Variants in FBXL7 observed in about 807,000 individuals in gnomAD.
FBXL7 encodes the protein F-box/LRR-repeat protein 7.
A neutral mutation model predicts 38.3 loss-of-function variants in FBXL7; 12 were observed. The ratio of observed to expected loss-of-function variants is 0.31; its 90% CI spans 0.20 to 0.51. The LOEUF (loss-of-function observed/expected upper bound fraction) is 0.51, where lower values mean the gene tolerates loss of function less well. FBXL7 is among the 20% of genes least tolerant of loss of function. The pLI is 0.98. For synonymous variants in FBXL7, 297 were observed against 300.9 expected (o/e 0.99, Z 0.13); for missense variants, 567 against 676.4 (o/e 0.84, Z 1.79).
rs569859475 is a variant in FBXL7, at chr5:15,553,229, C to A, written c.37+52516C>A. On this transcript the variant is annotated intron_variant, in intron 1 of 3. Transcript: ENST00000504595. ...CGTGGTTTCCCTTCTCTCTGCAACACCCTGGCCCACTTGTCTTATTTACCA... is the reference window on the plus strand; with the variant it reads ...CGTGGTTTCCCTTCTCTCTGCAACAACCTGGCCCACTTGTCTTATTTACCA... 5.3e-5 allele frequency among the ~76,000 whole-genome samples: 8 copies of A among 152,310 alleles called. No homozygotes were observed. The East Asian group carries it at 1.2e-3, about 22-fold the overall frequency.
At chr5:15,869,750 T>C (rs1277300352) in intron 2 of FBXL7, among the ~76,000 whole-genome samples, 1 of 152,180 alleles carries the variant, frequency 6.6e-6, no homozygotes, top group Non-Finnish European at 1.5e-5. Context: ...AATTGGTGTT[T>C]TGGGAATACA....
chr5:15,746,114 C>T (rs1434995978), intron 2 of FBXL7, among the ~76,000 whole-genome samples: 1 of 152,068 alleles, frequency 6.6e-6, no homozygotes, highest in African/African-American at 2.4e-5. Context: ...TAGAATGATA[C>T]TAGTCAAGAG....
intron 2 of FBXL7, among the ~76,000 whole-genome samples, chr5:15,875,908 A>G (rs1167393146): frequency 6.6e-6 from 1 of 152,218 alleles, no homozygotes; most frequent in African/African-American, 2.4e-5. Context: ...CTGGGTATAT[A>G]CCCAAAGGAT....
Position 15,845,794 on chromosome 5 carries a change from A to AC in FBXL7, c.128-82092dup, listed in dbSNP as rs546203415. ...AGACCATCCTGGCTAACACGGTGAA[A>AC]CCCCGTCTCTAGTAAAAATACAAAA... On this transcript the variant is annotated intron_variant, in intron 2 of 3. Transcript: ENST00000504595. Among the ~76,000 whole-genome samples, 183 of 152,066 alleles carry AC rather than the reference A, an allele frequency of 1.2e-3. 1 individual carries two copies. Among genetic ancestry groups the AC allele is most frequent in the African/African-American group, 4.3e-3 (177 of 41,474 alleles).
intron 1 of FBXL7, among the ~76,000 whole-genome samples, chr5:15,549,602 T>C (rs976529972): frequency 1.3e-5 from 2 of 152,200 alleles, no homozygotes; most frequent in Non-Finnish European, 2.9e-5. Context: ...CATCTCTCAT[T>C]AGTCAACTTG....
intron 2 of FBXL7, among the ~76,000 whole-genome samples, chr5:15,810,940 G>T (rs745605342): frequency 6.6e-6 from 1 of 152,168 alleles, no homozygotes; most frequent in East Asian, 1.9e-4. Context: ...GAAACATATC[G>T]GCATTTTCAT....
intron 1 of FBXL7, among the ~76,000 whole-genome samples, chr5:15,526,244 A>G (rs955251878): frequency 6.6e-6 from 1 of 152,006 alleles, no homozygotes; most frequent in African/African-American, 2.4e-5. Flanking sequence ...GTAAGTTCCA[A>G]TTGTAGGGAA....
intron 2 of FBXL7, among the ~76,000 whole-genome samples, chr5:15,762,513 C>T (rs1343693363): frequency 6.6e-6 from 1 of 152,138 alleles, no homozygotes. Flanking sequence ...ATTTAAAGTT[C>T]TGTATTCATA....
intron 2 of FBXL7, among the ~76,000 whole-genome samples, chr5:15,626,277 C>T (rs1740814531): frequency 6.6e-6 from 1 of 152,266 alleles, no homozygotes; most frequent in Middle Eastern, 3.4e-3. Flanking sequence ...GCACCACTTA[C>T]ATCTGGTGAT....
At chr5:15,875,623 C>T (rs1440139272) in intron 2 of FBXL7, among the ~76,000 whole-genome samples, 1 of 152,138 alleles carries the variant, frequency 6.6e-6, no homozygotes, top group Non-Finnish European at 1.5e-5. Flanking sequence ...CAAAAGAAGA[C>T]ATTTATACGG....
intron 1 of FBXL7, among the ~76,000 whole-genome samples, chr5:15,563,191 T>C (rs1319817921): frequency 1.3e-5 from 2 of 152,148 alleles, no homozygotes; most frequent in African/African-American, 4.8e-5. Flanking sequence ...TGTTTTTCAG[T>C]GATAATGATT....
intron 2 of FBXL7, among the ~76,000 whole-genome samples, chr5:15,877,550 T>G (rs1044955824): frequency 4.4e-5 from 6 of 135,734 alleles, no homozygotes; most frequent in African/African-American, 1.6e-4. Context: ...TCTATGCACT[T>G]GGCAAGGTAA....
chr5:15,708,912 T>G, intron 2 of FBXL7, among the ~76,000 whole-genome samples: 1 of 152,150 alleles, frequency 6.6e-6, no homozygotes, highest in East Asian at 1.9e-4. Flanking sequence ...TGCTTTAGGG[T>G]TTTTGGCAAG....
chr5:15,844,236 C>A (rs1326008339), intron 2 of FBXL7, among the ~76,000 whole-genome samples: 1 of 152,148 alleles, frequency 6.6e-6, no homozygotes, highest in Non-Finnish European at 1.5e-5. Context: ...CAATCTTTTC[C>A]ATTCAAGTGC....
intron 2 of FBXL7, among the ~76,000 whole-genome samples, chr5:15,694,383 G>A (rs906285924): frequency 6.6e-6 from 1 of 152,136 alleles, no homozygotes; most frequent in South Asian, 2.1e-4. Flanking sequence ...GATGCTTAGC[G>A]AAAAAAGGTC....
intron 2 of FBXL7, among the ~76,000 whole-genome samples, chr5:15,742,365 G>A (rs573375164): frequency 6.6e-6 from 1 of 152,310 alleles, no homozygotes; most frequent in African/African-American, 2.4e-5. Context: ...TAGGGAATTT[G>A]ACTGATGAAA....
At chr5:15,804,902 A>C (rs778873764) in intron 2 of FBXL7, among the ~76,000 whole-genome samples, 1 of 152,142 alleles carries the variant, frequency 6.6e-6, no homozygotes, top group Non-Finnish European at 1.5e-5. Flanking sequence ...TGGTGCCAAA[A>C]AGATTGGGGA....
chr5:15,531,368 T>C (rs2126391701), intron 1 of FBXL7, among the ~76,000 whole-genome samples: 1 of 152,352 alleles, frequency 6.6e-6, no homozygotes, highest in African/African-American at 2.4e-5. Flanking sequence ...TCAAAAATTC[T>C]CGTTAAAATA....
chr5:15,667,589 C>A (rs1224941341), intron 2 of FBXL7, among the ~76,000 whole-genome samples: 2 of 152,156 alleles, frequency 1.3e-5, no homozygotes, highest in Non-Finnish European at 2.9e-5. Context: ...TGGGCCAGTT[C>A]ATTTTCTTTT....
Sources: allele counts gnomAD v4.1 joint callset (sites outside exome capture counted in the v4.1 genomes callset), GRCh38; gene constraint gnomAD v4.1.1; transcripts MANE v1.5; gene names NCBI Gene and HGNC (gene_info 2026-07-23, HGNC 2026-07-21).